KNDC1: variants seen among roughly 807,000 people sequenced by gnomAD.
KNDC1 encodes the protein kinase non-catalytic C-lobe domain containing 1.
A neutral mutation model predicts 172.8 loss-of-function variants in KNDC1; 106 were observed. That is an observed-to-expected ratio of 0.61 (90% CI 0.52 to 0.72). The LOEUF is 0.72. Among genes scored for constraint, KNDC1 ranks in the 30% least tolerant of loss-of-function variants. The pLI, the probability that KNDC1 is intolerant of heterozygous loss-of-function variation, is 0.00. For missense variants in KNDC1, 2,325 were observed against 2,394.5 expected (o/e 0.97, Z 0.61); for synonymous variants, 1,083 against 1,062.2 (o/e 1.02, Z -0.38).
chr10:133,177,197 T>C (rs2135961574), intron 3 of KNDC1, among the ~76,000 whole-genome samples: 1 of 138,788 alleles, frequency 7.2e-6, no homozygotes, highest in South Asian at 2.1e-4. Flanking sequence ...TGTGCACGTG[T>C]ATGTAGTATA....
At chr10:133,176,932 G>A (rs917130583) in intron 3 of KNDC1, among the ~76,000 whole-genome samples, 8 of 152,224 alleles carry the variant, frequency 5.3e-5, no homozygotes, top group Admixed American at 1.3e-4. Context: ...ATGTGCAGAC[G>A]TGCCCTAGCT....
intron 3 of KNDC1, among the ~76,000 whole-genome samples, chr10:133,176,284 G>A (rs1360997588): frequency 6.6e-6 from 1 of 151,970 alleles, no homozygotes; most frequent in Non-Finnish European, 1.5e-5. Context: ...GTGGATGGGG[G>A]ATGGGCAGAT....
chr10:133,204,799 C>G (rs964478383), intron 17 of KNDC1, among the ~76,000 whole-genome samples: 2 of 152,148 alleles, frequency 1.3e-5, no homozygotes, highest in Non-Finnish European at 2.9e-5. Context: ...TGGACCGGCT[C>G]GCGGATGAGC....
At chr10:133,195,574 G>A in intron 9 of KNDC1, 89 bp from the exon 10 acceptor site, 3 of 1,269,814 alleles carry the variant, frequency 2.4e-6, no homozygotes, top group Non-Finnish European at 3.1e-6. Flanking sequence ...GTGCCTGGGT[G>A]CCCCTCAGGG....
Position 133,181,160 on chromosome 10 carries a change from C to T in KNDC1, c.361-2184C>T, listed in dbSNP as rs1241141543. ...TGACGCCACATGGGGCACCCACTGA[C>T]GCCACACGGGGCACCCACAGATGCC... On this transcript the variant is annotated intron_variant, in intron 3 of 29. Coordinates refer to ENST00000304613, the MANE Select transcript of KNDC1 (RefSeq NM_152643.8). Among the ~76,000 whole-genome samples, 4 of 151,820 alleles carry T rather than the reference C, an allele frequency of 2.6e-5. No individual in the cohort carries two copies. The South Asian group carries it at 6.2e-4, about 24-fold the overall frequency.
chr10:133,167,601 C>T lies in KNDC1; in HGVS notation c.301+22C>T, dbSNP rs371709797. 1.8e-4 allele frequency: 273 copies of T among 1,530,290 alleles called. No homozygotes were observed. In the African/African-American group the frequency reaches 3.2e-3, roughly 18 times the overall value. The allele number at this position is 1,530,290 out of a possible 1,614,324, so 94.8% of individuals were successfully genotyped here. A position where few individuals can be genotyped will look rare whatever the true frequency, so the allele number is the denominator to read the frequency against. On this transcript the variant is annotated intron_variant, in intron 2 of 29. Coordinates refer to ENST00000304613, the MANE Select transcript of KNDC1 (RefSeq NM_152643.8). The stretch of plus-strand genomic sequence containing the variant: ...AGCGGTGAGGCGGCGGTGGCGGTGG[C>T]GGCGGCGGCGGGCACGCGGGGTGGA...
At chr10:133,169,531 C>A (rs1027961737) in intron 3 of KNDC1, among the ~76,000 whole-genome samples, 6 of 152,256 alleles carry the variant, frequency 3.9e-5, no homozygotes, top group African/African-American at 1.4e-4. Context: ...ACAAGTGAGG[C>A]TGGAGCCCTT....
Position 133,184,260 on chromosome 10 carries a change from TACAC to T in KNDC1, c.625+276_625+279del, listed in dbSNP as rs567824058. On this transcript the variant is annotated intron_variant, in intron 5 of 29. Coordinates refer to ENST00000304613, the MANE Select transcript of KNDC1 (RefSeq NM_152643.8). Reference sequence around the variant, plus strand: ...ATGCGCACACACTGCACACACACGTTACACACACCCATGCACACACACGCTGCAC... The same window carrying T: ...ATGCGCACACACTGCACACACACGTTACACCCATGCACACACACGCTGCAC... 3.9e-3 allele frequency among the ~76,000 whole-genome samples: 430 copies of T among 110,264 alleles called. 1 individual carries two copies. Among genetic ancestry groups the T allele is most frequent in the Non-Finnish European group, 4.8e-3 (259 of 54,454 alleles). The allele number at this position is 110,264 out of a possible 152,430, so 72.3% of individuals were successfully genotyped here. A position where few individuals can be genotyped will look rare whatever the true frequency, so the allele number is the denominator to read the frequency against.
chr10:133,180,039 C>T lies in KNDC1; in HGVS notation c.361-3305C>T, dbSNP rs373533431. On this transcript the variant is annotated intron_variant, in intron 3 of 29. Coordinates refer to ENST00000304613, the MANE Select transcript of KNDC1 (RefSeq NM_152643.8). ...CCTCGTCCTGCTGCCCTGGGGCCTC[C>T]GAGGTCCTTGTTTCCTGAGAGGAGC... Among the ~76,000 whole-genome samples the T allele has an allele frequency of 6.6e-5, 10 of 152,352 alleles. No homozygotes were observed. The South Asian group carries it at 1.2e-3, about 19-fold the overall frequency.
chr10:133,218,144 G>T (rs1377150688), intron 26 of KNDC1, among the ~76,000 whole-genome samples: 3 of 152,186 alleles, frequency 2.0e-5, no homozygotes, highest in African/African-American at 7.2e-5. Context: ...GATGGCCCAG[G>T]CCAAGGTGAT....
chr10:133,195,861 G>A, intron 10 of KNDC1, 40 bp downstream of exon 10: 2 of 1,476,098 alleles, frequency 1.4e-6, no homozygotes, highest in Non-Finnish European at 9.0e-7. Context: ...CAGGGTCCAA[G>A]GACTGTGGGC....
At chr10:133,212,211 C>T (rs535315934) in intron 23 of KNDC1, among the ~76,000 whole-genome samples, 2 of 151,800 alleles carry the variant, frequency 1.3e-5, no homozygotes, top group South Asian at 2.1e-4. Flanking sequence ...CACCCTCACA[C>T]ATATCCACAC....
chr10:133,202,112 G>T, intron 17 of KNDC1: 2 of 708,764 alleles, frequency 2.8e-6, no homozygotes. Flanking sequence ...CTGCACTGGT[G>T]CTCCTGGTGG....
At position 133,213,783 on chromosome 10, in the gene KNDC1, C is replaced by T. The variant is rs747468454; in HGVS notation, c.4526+56C>T. 108 of 1,542,092 alleles carry T rather than the reference C, an allele frequency of 7.0e-5. No individual in the cohort carries two copies. The South Asian group carries it at 7.0e-4, about 10-fold the overall frequency. The stretch of plus-strand genomic sequence containing the variant: ...GTGGTGGAGGGTCTCGGGGGCTTCC[C>T]GTAAGAGTCTTGTGGACGCTCCTGA... On this transcript the variant is annotated intron_variant, in intron 25 of 29. Transcript: ENST00000304613.
At chr10:133,212,520 G>A (rs923379876) in intron 23 of KNDC1, among the ~76,000 whole-genome samples, 196 bp from the exon 24 acceptor site, 1 of 152,226 alleles carries the variant, frequency 6.6e-6, no homozygotes, top group African/African-American at 2.4e-5. Flanking sequence ...GGCACCTGCT[G>A]AAACGACCAG....
At chr10:133,175,560 T>C (rs1036140240) in intron 3 of KNDC1, among the ~76,000 whole-genome samples, 4 of 146,098 alleles carry the variant, frequency 2.7e-5, no homozygotes, top group African/African-American at 1.0e-4. Context: ...GATGAGTAGA[T>C]GCATGGGTGA....
chr10:133,182,423 G>A (rs895125766), intron 3 of KNDC1, among the ~76,000 whole-genome samples: 1 of 145,872 alleles, frequency 6.9e-6, no homozygotes, highest in African/African-American at 2.8e-5. Context: ...GCACAGGTGC[G>A]GGGGCAGAGC....
intron 29 of KNDC1, among the ~76,000 whole-genome samples, chr10:133,222,517 CCA>C: frequency 2.1e-5 from 1 of 46,942 alleles, no homozygotes; most frequent in Non-Finnish European, 4.4e-5. Flanking sequence ...GTGAGCCCAT[CCA>C]GGCATGCTCT....
In KNDC1 at chr10:133,201,553, C is replaced by T. The variant is rs2136002230; in HGVS notation, c.3042C>T (p.Pro1014=). 1.2e-6 allele frequency: 2 copies of T among 1,611,812 alleles called. No homozygotes were observed. Among genetic ancestry groups the T allele is most frequent in the Middle Eastern group, 1.8e-4 (1 of 5,568 alleles). Residue 1014 remains proline (P), a synonymous_variant, in exon 17 of 30, where the codon CCC becomes CCT. Coordinates refer to ENST00000304613, the MANE Select transcript of KNDC1 (RefSeq NM_152643.8). ...ARTSSRAPCS[P]TSVSDVDSDA... is the part of the protein sequence containing the mutation. ...CCAGCAGCAGGGCCCCCTGCTCACC[C>T]ACCTCGGTGTCGGATGTGGACTCGG...
Sources: allele counts gnomAD v4.1 joint callset (sites outside exome capture counted in the v4.1 genomes callset), GRCh38; gene constraint gnomAD v4.1.1; transcripts MANE v1.5; gene names NCBI Gene and HGNC (gene_info 2026-07-23, HGNC 2026-07-21).